STARD6: variants seen among roughly 807,000 people sequenced by gnomAD.
STARD6 encodes stAR-related lipid transfer protein 6.
STARD6 carries 21 observed loss-of-function variants against 22.3 expected under a neutral mutation model. That is an observed-to-expected ratio of 0.94 (90% CI 0.67 to 1.35). STARD6 has a LOEUF of 1.35. Among genes scored for constraint, STARD6 ranks in the 40% most tolerant of loss-of-function variants. The probability of loss-of-function intolerance (pLI) is 0.00; values close to 1 mark genes in which losing one functional copy is unlikely to be tolerated. For synonymous variants in STARD6, 80 were observed against 88.1 expected, an observed-to-expected ratio of 0.91 and a Z score of 0.52; for missense variants, 269 against 266.9, an observed-to-expected ratio of 1.01 and a Z score of -0.05.
intron 4 of STARD6, among the ~76,000 whole-genome samples, chr18:54,344,458 C>G (rs2089015459): frequency 1.1e-5 from 1 of 93,184 alleles, no homozygotes; most frequent in Non-Finnish European, 2.1e-5. Context: ...GGGTCCTCTG[C>G]CTAGGAAAAC....
chr18:54,348,616 G>A (rs1408745169), intron 4 of STARD6, among the ~76,000 whole-genome samples: 1 of 151,996 alleles, frequency 6.6e-6, no homozygotes, highest in African/African-American at 2.4e-5. Context: ...CTTACATTGT[G>A]GGAAATATGA....
intron 7 of STARD6, 77 bp from the exon 8 acceptor site, chr18:54,324,952 C>T: frequency 8.2e-7 from 1 of 1,219,668 alleles, no homozygotes; most frequent in Non-Finnish European, 1.1e-6. Context: ...TTTTGGAGAG[C>T]AGGATTCTTA....
chr18:54,342,331 A>G (rs1277441414), intron 4 of STARD6, among the ~76,000 whole-genome samples: 29 of 152,200 alleles, frequency 1.9e-4, no homozygotes, highest in Non-Finnish European at 8.8e-5. Context: ...ATCCTCCACA[A>G]ACTATTCCAG....
intron 4 of STARD6, among the ~76,000 whole-genome samples, chr18:54,340,368 G>T (rs1435905033): frequency 1.3e-5 from 2 of 151,990 alleles, no homozygotes; most frequent in African/African-American, 4.8e-5. Flanking sequence ...AAAATATATT[G>T]TAGCCCCTAT....
rs754361259 is a variant in STARD6, at chr18:54,324,795, G to T, written c.560C>A (p.Thr187Asn). ...GAAGTTTACTAAGTTGGAAGGCATG[G>T]TTTTTTCAATTATTGATGGGGACAA... ...GKLSPSIIEK[T>N]MPSNLVNFIL... The change falls in exon 8 of 8, where the codon ACC (threonine) becomes AAC (asparagine). Residue 187 changes from threonine (T) to asparagine (N), a missense_variant. Coordinates refer to ENST00000307844, the MANE Select transcript of STARD6 (RefSeq NM_139171.2). The T allele has an allele frequency of 4.4e-6, 7 of 1,606,258 alleles. No individual in the cohort carries two copies. Among genetic ancestry groups the T allele is most frequent in the Non-Finnish European group, 5.9e-6 (7 of 1,177,028 alleles).
At chr18:54,329,281 C>G (rs1166497716) in intron 7 of STARD6, 66 bp downstream of exon 7, 2 of 1,341,138 alleles carry the variant, frequency 1.5e-6, no homozygotes, top group Admixed American at 2.4e-5. Flanking sequence ...AGCCAGCAAT[C>G]TTAAACTAAA....
intron 4 of STARD6, among the ~76,000 whole-genome samples, chr18:54,343,390 G>A (rs1288960514): frequency 1.8e-4 from 25 of 141,316 alleles, no homozygotes; most frequent in Admixed American, 4.8e-4. Flanking sequence ...CCCCCCGCCC[G>A]GCCAGCCGTG....
chr18:54,353,640 C>T (rs1482119450), intron 4 of STARD6, among the ~76,000 whole-genome samples: 3 of 152,170 alleles, frequency 2.0e-5, no homozygotes, highest in African/African-American at 7.2e-5. Flanking sequence ...AGCCTGGTGA[C>T]AGAGCAAGAC....
At chr18:54,335,326 C>CT (rs2088899269) in intron 5 of STARD6, among the ~76,000 whole-genome samples, 2 of 152,130 alleles carry the variant, frequency 1.3e-5, no homozygotes, top group South Asian at 4.2e-4. Context: ...TCCCGAGTAG[C>CT]TGGGGTCACA....
chr18:54,331,718 T>C (rs755656869), intron 6 of STARD6, 24 bp downstream of exon 6: 6 of 1,526,880 alleles, frequency 3.9e-6, no homozygotes, highest in South Asian at 1.2e-5. Context: ...AATTCCAAGA[T>C]ATGGGCAAAA....
chr18:54,337,383 C>T, intron 4 of STARD6, 132 bp from the exon 5 acceptor site: 1 of 674,576 alleles, frequency 1.5e-6, no homozygotes, highest in Non-Finnish European at 2.3e-6. Context: ...GTACTATCAG[C>T]AATTCAATAT....
chr18:54,339,132 A>C (rs1414922707), intron 4 of STARD6, among the ~76,000 whole-genome samples: 1 of 150,856 alleles, frequency 6.6e-6, no homozygotes, highest in Non-Finnish European at 1.5e-5. Flanking sequence ...AGCAGGAAAA[A>C]AAAAAGGTAG....
intron 5 of STARD6, among the ~76,000 whole-genome samples, chr18:54,334,193 G>A (rs2088889710): frequency 1.3e-5 from 2 of 152,248 alleles, no homozygotes; most frequent in South Asian, 4.2e-4. Flanking sequence ...TGGGTTCCCT[G>A]ACTTACCTCC....
At chr18:54,344,959 C>T (rs2089021502) in intron 4 of STARD6, among the ~76,000 whole-genome samples, 1 of 152,136 alleles carries the variant, frequency 6.6e-6, no homozygotes. Context: ...GGTGGAAAAA[C>T]TAAATACTTT....
chr18:54,354,819 AC>A (rs1378847701), intron 2 of STARD6, among the ~76,000 whole-genome samples: 6 of 152,204 alleles, frequency 3.9e-5, no homozygotes, highest in Admixed American at 1.3e-4. Flanking sequence ...TGTCTCTGCC[AC>A]CTATTGTGTG....
At chr18:54,337,945 A>G (rs1460621807) in intron 4 of STARD6, among the ~76,000 whole-genome samples, 1 of 152,236 alleles carries the variant, frequency 6.6e-6, no homozygotes, top group Non-Finnish European at 1.5e-5. Flanking sequence ...AGAGAGAAGC[A>G]GGGAAACATA....
At chr18:54,357,373 A>T (rs1169862620) in intron 1 of STARD6, among the ~76,000 whole-genome samples, 1 of 152,134 alleles carries the variant, frequency 6.6e-6, no homozygotes, top group Non-Finnish European at 1.5e-5. Context: ...ATCCCTGGCT[A>T]AACTCGGGTC....
intron 4 of STARD6, among the ~76,000 whole-genome samples, chr18:54,351,799 T>C (rs1271231359): frequency 6.6e-6 from 1 of 152,110 alleles, no homozygotes; most frequent in African/African-American, 2.4e-5. Context: ...GAAATGCATT[T>C]GATCATGGTA....
intron 5 of STARD6, among the ~76,000 whole-genome samples, chr18:54,333,088 T>C (rs1442451001): frequency 6.6e-6 from 1 of 152,132 alleles, no homozygotes; most frequent in Non-Finnish European, 1.5e-5. Context: ...CTCTCTGAAT[T>C]TGTTTTCAGG....
Sources: gnomAD v4.1 joint callset for allele counts (sites outside exome capture counted in the v4.1 genomes callset) on GRCh38, gnomAD v4.1.1 for gene constraint, MANE v1.5 for transcripts, NCBI Gene and HGNC (gene_info 2026-07-23, HGNC 2026-07-21) for gene names.